The following FRMD3 variants were observed in gnomAD, a reference collection of about 807,000 sequenced individuals.
The protein encoded by FRMD3 is FERM domain-containing protein 3.
Under a neutral mutation model 70.2 loss-of-function variants are expected in FRMD3, and 33 were observed. That is an observed-to-expected ratio of 0.47 (90% CI 0.36 to 0.63). FRMD3 has a LOEUF of 0.63. Ranked by LOEUF, FRMD3 falls within the 20% of genes least tolerant of loss-of-function variation. FRMD3 has a pLI of 0.00. For synonymous variants in FRMD3, 279 were observed against 255.9 expected, an observed-to-expected ratio of 1.09 and a Z score of -0.86; for missense variants, 632 against 711.4, an observed-to-expected ratio of 0.89 and a Z score of 1.27.
At chr9:83,248,579 G>A (rs1165217280) in intron 13 of FRMD3, 63 bp from the exon 14 acceptor site, 2 of 1,490,462 alleles carry the variant, frequency 1.3e-6, no homozygotes. Context: ...AAATCTGCAG[G>A]AAGAAACAGA....
the FRMD3 span, among the ~76,000 whole-genome samples, chr9:83,557,693 G>C: frequency 1.3e-5 from 2 of 152,296 alleles, no homozygotes; most frequent in East Asian, 3.9e-4. Flanking sequence ...CAGAACCAAA[G>C]TGCTAAATCA....
intron 4 of FRMD3, 114 bp from the exon 5 acceptor site, chr9:83,343,401 T>C: frequency 1.4e-6 from 1 of 707,098 alleles, no homozygotes; most frequent in East Asian, 2.7e-5. Context: ...CTCTAGAGAC[T>C]GGCTTAGACA....
chr9:83,558,380 A>G, the FRMD3 span, among the ~76,000 whole-genome samples: 1 of 152,236 alleles, frequency 6.6e-6, no homozygotes, highest in Admixed American at 6.5e-5. Flanking sequence ...AAGTAAAGTG[A>G]AAATGGTTCA....
intron 1 of FRMD3, among the ~76,000 whole-genome samples, chr9:83,396,446 G>C (rs972458663): frequency 1.3e-5 from 2 of 152,140 alleles, no homozygotes; most frequent in African/African-American, 4.8e-5. Context: ...ACACATGCAC[G>C]CACACACATG....
At chr9:83,392,635 C>T (rs1825697533) in intron 1 of FRMD3, among the ~76,000 whole-genome samples, 1 of 152,160 alleles carries the variant, frequency 6.6e-6, no homozygotes, top group Admixed American at 6.5e-5. Flanking sequence ...AATAAGAAGT[C>T]TTTCCTTTTT....
rs527740710 is a variant in FRMD3, at chr9:83,383,551, G to C, written c.252+6053C>G. On this transcript the variant is annotated intron_variant, in intron 2 of 13. Transcript: ENST00000304195. ...AGACTAATTTGAAACTTCCAAACCT[G>C]CTGGTCTCTAGTCAGCCCTGCTGTT... Among the ~76,000 whole-genome samples, 4 of 152,278 alleles carry C rather than the reference G, an allele frequency of 2.6e-5. No homozygotes were observed. In the East Asian group the frequency reaches 7.7e-4, roughly 29 times the overall value.
chr9:83,243,473 A>C (rs75809437), downstream of FRMD3, among the ~76,000 whole-genome samples: 7 of 152,262 alleles, frequency 4.6e-5, no homozygotes, highest in East Asian at 1.4e-3. Context: ...TGTAGGAATA[A>C]AGCAAGAGTT....
At chr9:83,248,640 A>G in intron 13 of FRMD3, 124 bp from the exon 14 acceptor site, 1 of 1,052,678 alleles carries the variant, frequency 9.5e-7, no homozygotes, top group East Asian at 2.6e-5. Context: ...ATTCTGTGGT[A>G]TCCTAAGTTG....
chr9:83,466,574 TCCA>T lies in FRMD3; in HGVS notation c.147+71508_147+71510del, dbSNP rs535718509. ...AGCGTTTGCCTAACAGACGCTGCAT[TCCA>T]CCAAGTCACTCTCTCAGAGCCAACC... is the stretch of plus-strand genomic sequence containing the variant. On this transcript the variant is annotated intron_variant, in intron 1 of 13. Coordinates refer to ENST00000304195, the MANE Select transcript of FRMD3 (RefSeq NM_174938.6). 1.4e-3 allele frequency among the ~76,000 whole-genome samples: 212 copies of T among 152,258 alleles called. 1 individual carries two copies. Among genetic ancestry groups the T allele is most frequent in the African/African-American group, 4.9e-3 (205 of 41,544 alleles).
chr9:83,506,035 T>A lies in FRMD3; in HGVS notation c.147+32050A>T, dbSNP rs549883834. Among the ~76,000 whole-genome samples, 166 of 152,264 alleles carry A rather than the reference T, an allele frequency of 1.1e-3. 2 individuals are homozygous for A. In the South Asian group the frequency reaches 0.012, roughly 11 times the overall value. ...GCCCCATGAACACCCACCACGCAGC[T>A]GGTCAGCTGCGCTGGTCAGCTCTGA... is the stretch of plus-strand genomic sequence containing the variant. On this transcript the variant is annotated intron_variant, in intron 1 of 13. Coordinates refer to ENST00000304195, the MANE Select transcript of FRMD3 (RefSeq NM_174938.6).
rs546259045 is a variant in FRMD3, at chr9:83,244,753, T to C, written c.*3165A>G. Reference sequence around the variant, plus strand: ...TCCAATCACAGTAACATGGCCCCCATATCTCTAGTATTTCAATGAAATAAA... The same window carrying C: ...TCCAATCACAGTAACATGGCCCCCACATCTCTAGTATTTCAATGAAATAAA... On this transcript the variant is annotated 3_prime_UTR_variant, in exon 14 of 14. Coordinates refer to ENST00000304195, the MANE Select transcript of FRMD3 (RefSeq NM_174938.6). 2 of 985,182 alleles carry C rather than the reference T, an allele frequency of 2.0e-6. No individual in the cohort carries two copies. The highest frequency in any genetic ancestry group is 1.7e-5 in the African/African-American group (1 of 57,238). The allele number at this position is 985,182 out of a possible 1,614,324, so 61.0% of individuals were successfully genotyped here.
intron 13 of FRMD3, among the ~76,000 whole-genome samples, chr9:83,258,115 T>C (rs1832804717): frequency 1.3e-5 from 2 of 152,202 alleles, no homozygotes; most frequent in Non-Finnish European, 2.9e-5. Flanking sequence ...ACACTGCTCA[T>C]TCCCATCTGC....
chr9:83,505,178 T>C (rs1019532216), intron 1 of FRMD3, among the ~76,000 whole-genome samples: 48 of 152,194 alleles, frequency 3.2e-4, no homozygotes, highest in African/African-American at 5.3e-4. Context: ...ATGATTCACA[T>C]AGAAGCAATG....
intron 1 of FRMD3, among the ~76,000 whole-genome samples, chr9:83,491,015 A>T (rs1239590586): frequency 6.6e-6 from 1 of 151,986 alleles, no homozygotes; most frequent in East Asian, 1.9e-4. Context: ...TTTATATTTC[A>T]CTCTAGGATA....
chr9:83,242,998 T>A, downstream of FRMD3: 1 of 599,294 alleles, frequency 1.7e-6, no homozygotes. Flanking sequence ...AGGAGAGGGT[T>A]AAAAGCAGCT....
At chr9:83,323,143 T>C (rs185032456) in intron 6 of FRMD3, among the ~76,000 whole-genome samples, 18 of 152,336 alleles carry the variant, frequency 1.2e-4, no homozygotes, top group Admixed American at 1.2e-3. Context: ...AAGTTGAACA[T>C]GTTTACCCTA....
chr9:83,355,869 C>T (rs979251855), intron 3 of FRMD3, among the ~76,000 whole-genome samples: 4 of 152,138 alleles, frequency 2.6e-5, no homozygotes, highest in African/African-American at 9.7e-5. Flanking sequence ...AAGTGAAATC[C>T]ACTTTGAAAT....
intron 1 of FRMD3, among the ~76,000 whole-genome samples, chr9:83,408,196 G>A (rs1363954625): frequency 6.6e-6 from 1 of 152,170 alleles, no homozygotes; most frequent in Non-Finnish European, 1.5e-5. Flanking sequence ...AGCAAAGAAT[G>A]TATGGCTATC....
chr9:83,487,836 G>A (rs577700431), intron 1 of FRMD3, among the ~76,000 whole-genome samples: 122 of 152,288 alleles, frequency 8.0e-4, no homozygotes, highest in African/African-American at 2.8e-3. Context: ...ATTTTGGTAC[G>A]AGGGGTAGAC....
Sources: allele counts gnomAD v4.1 joint callset (sites outside exome capture counted in the v4.1 genomes callset), GRCh38; gene constraint gnomAD v4.1.1; transcripts MANE v1.5; gene names NCBI Gene and HGNC (gene_info 2026-07-23, HGNC 2026-07-21).